Variants in GABRB1 observed in about 807,000 individuals in gnomAD.
GABRB1 encodes the protein gamma-aminobutyric acid receptor subunit beta-1.
In GABRB1, 17 loss-of-function variants were observed where a neutral mutation model predicts 51.6. That is an observed-to-expected ratio of 0.33 (90% CI 0.23 to 0.49). The LOEUF (loss-of-function observed/expected upper bound fraction) is 0.49, where lower values mean the gene tolerates loss of function less well. GABRB1 is among the 20% of genes least tolerant of loss of function. The pLI is 0.99. For synonymous variants in GABRB1, 247 were observed against 218.9 expected, an observed-to-expected ratio of 1.13 and a Z score of -1.14; for missense variants, 410 against 600.6, an observed-to-expected ratio of 0.68 and a Z score of 3.32.
At chr4:47,036,414 G>A (rs1725569857) in intron 3 of GABRB1, among the ~76,000 whole-genome samples, 1 of 152,100 alleles carries the variant, frequency 6.6e-6, no homozygotes, top group South Asian at 2.1e-4. Flanking sequence ...TAACATATAG[G>A]TGAATCACTC....
chr4:47,288,293 C>T (rs923250971), intron 4 of GABRB1, among the ~76,000 whole-genome samples: 13 of 151,358 alleles, frequency 8.6e-5, no homozygotes, highest in Non-Finnish European at 1.9e-4. Flanking sequence ...GATGGAGTCT[C>T]ACTCTGTCGC....
At chr4:47,341,832 G>T (rs536988075) in intron 5 of GABRB1, among the ~76,000 whole-genome samples, 1 of 152,192 alleles carries the variant, frequency 6.6e-6, no homozygotes, top group Non-Finnish European at 1.5e-5. Flanking sequence ...TAGGTCACCT[G>T]GTCACATTCA....
At chr4:47,231,784 G>A (rs925363750) in intron 4 of GABRB1, among the ~76,000 whole-genome samples, 2 of 152,066 alleles carry the variant, frequency 1.3e-5, no homozygotes, top group Admixed American at 6.6e-5. Context: ...TTTATTTCCC[G>A]ACACAGGCGT....
At chr4:47,228,660 G>A (rs1721036370) in intron 4 of GABRB1, among the ~76,000 whole-genome samples, 1 of 152,068 alleles carries the variant, frequency 6.6e-6, no homozygotes, top group Admixed American at 6.6e-5. Flanking sequence ...TAATTAACAT[G>A]ACACCGAAAG....
At chr4:47,133,122 G>A (rs764190135) in intron 3 of GABRB1, among the ~76,000 whole-genome samples, 1 of 152,150 alleles carries the variant, frequency 6.6e-6, no homozygotes, top group Non-Finnish European at 1.5e-5. Flanking sequence ...GCAAAAGAAA[G>A]TAACCTTTAC....
At chr4:47,001,361 C>G (rs1245157036) in intron 1 of GABRB1, among the ~76,000 whole-genome samples, 1 of 152,058 alleles carries the variant, frequency 6.6e-6, no homozygotes, top group African/African-American at 2.4e-5. Flanking sequence ...CCAGGATGGT[C>G]TGAATCTCCT....
chr4:47,162,803 C>T (rs1413148439), intron 4 of GABRB1, among the ~76,000 whole-genome samples: 3 of 152,086 alleles, frequency 2.0e-5, no homozygotes, highest in Admixed American at 1.3e-4. Flanking sequence ...TTAATCCCTT[C>T]GGAGCCAACC....
chr4:47,025,394 T>G (rs1295950992), intron 1 of GABRB1, among the ~76,000 whole-genome samples: 3 of 151,886 alleles, frequency 2.0e-5, no homozygotes, highest in Non-Finnish European at 4.4e-5. Flanking sequence ...TCTGCATCCA[T>G]GCCAATATCT....
intron 3 of GABRB1, among the ~76,000 whole-genome samples, chr4:47,036,523 T>A (rs186369675): frequency 9.2e-5 from 14 of 152,312 alleles, no homozygotes; most frequent in African/African-American, 3.4e-4. Flanking sequence ...GTATATAGAT[T>A]GCACTTTGAA....
At chr4:47,347,143 G>A (rs886195798) in intron 5 of GABRB1, among the ~76,000 whole-genome samples, 8 of 152,168 alleles carry the variant, frequency 5.3e-5, no homozygotes, top group South Asian at 2.1e-4. Flanking sequence ...TTAGCCAGGT[G>A]TGGTGGAGCT....
chr4:47,157,998 A>G (rs1717774365), intron 3 of GABRB1, among the ~76,000 whole-genome samples: 1 of 152,112 alleles, frequency 6.6e-6, no homozygotes, highest in South Asian at 2.1e-4. Context: ...TAACCACGAT[A>G]TAATTTTTAC....
At chr4:47,272,603 G>A (rs1380374551) in intron 4 of GABRB1, among the ~76,000 whole-genome samples, 2 of 151,680 alleles carry the variant, frequency 1.3e-5, no homozygotes, top group African/African-American at 4.8e-5. Flanking sequence ...TAGAAAGGAG[G>A]GAAAAAATTA....
At chr4:47,143,325 A>G (rs1717008668) in intron 3 of GABRB1, among the ~76,000 whole-genome samples, 2 of 151,848 alleles carry the variant, frequency 1.3e-5, no homozygotes, top group Non-Finnish European at 2.9e-5. Context: ...AGATTGTATA[A>G]AATGTGTCTT....
At chr4:47,314,181 G>A (rs1724803287) in intron 4 of GABRB1, among the ~76,000 whole-genome samples, 2 of 151,966 alleles carry the variant, frequency 1.3e-5, no homozygotes, top group South Asian at 4.2e-4. Flanking sequence ...GTCTTGGTGT[G>A]ACATATAGTT....
At chr4:47,337,817 A>G (rs1279242322) in intron 5 of GABRB1, among the ~76,000 whole-genome samples, 1 of 151,410 alleles carries the variant, frequency 6.6e-6, no homozygotes, top group Non-Finnish European at 1.5e-5. Context: ...CTAAAAAAAA[A>G]AAAAAAAAAA....
chr4:47,355,139 C>T (rs1358823748), intron 5 of GABRB1, among the ~76,000 whole-genome samples: 2 of 151,748 alleles, frequency 1.3e-5, no homozygotes, highest in Non-Finnish European at 2.9e-5. Flanking sequence ...GGACCACACG[C>T]CCAGCTAATT....
At chr4:47,175,994 C>G (rs192561290) in intron 4 of GABRB1, among the ~76,000 whole-genome samples, 1 of 152,174 alleles carries the variant, frequency 6.6e-6, no homozygotes, top group Admixed American at 6.5e-5. Context: ...AAATTAGGTG[C>G]ATAACTTGTA....
intron 3 of GABRB1, among the ~76,000 whole-genome samples, chr4:47,044,700 G>A (rs903814737): frequency 2.0e-5 from 3 of 152,076 alleles, no homozygotes; most frequent in African/African-American, 7.2e-5. Context: ...TTAATGCCAA[G>A]ACACCAGGGG....
intron 4 of GABRB1, among the ~76,000 whole-genome samples, chr4:47,278,748 C>A (rs1306913881): frequency 1.3e-5 from 2 of 152,166 alleles, no homozygotes; most frequent in Non-Finnish European, 2.9e-5. Flanking sequence ...TAAATGCTCA[C>A]AAAAGCATGA....
Sources: allele counts gnomAD v4.1 joint callset (sites outside exome capture counted in the v4.1 genomes callset), GRCh38; gene constraint gnomAD v4.1.1; transcripts MANE v1.5; gene names NCBI Gene and HGNC (gene_info 2026-07-23, HGNC 2026-07-21).